The following IGSF11 variants were observed in gnomAD, a reference collection of about 807,000 sequenced individuals.
The protein encoded by IGSF11 is CXADR like 1.
In IGSF11, 22 loss-of-function variants were observed where a neutral mutation model predicts 41.0. That is an observed-to-expected ratio of 0.54 (90% CI 0.38 to 0.77). IGSF11 has a LOEUF of 0.77. Among genes scored for constraint, IGSF11 ranks in the 30% least tolerant of loss-of-function variants. The probability of loss-of-function intolerance (pLI) is 0.00; values close to 1 mark genes in which losing one functional copy is unlikely to be tolerated. For synonymous variants in IGSF11, 219 were observed against 201.3 expected, an observed-to-expected ratio of 1.09 and a Z score of -0.74; for missense variants, 444 against 530.8, an observed-to-expected ratio of 0.84 and a Z score of 1.61.
chr3:119,001,953 G>C (rs1211817345), intron 1 of IGSF11, among the ~76,000 whole-genome samples: 2 of 136,528 alleles, frequency 1.5e-5, no homozygotes, highest in African/African-American at 6.1e-5. Context: ...TGTCTTTATA[G>C]CAGCATGATT....
Position 119,094,796 on chromosome 3 carries a change from C to A in IGSF11, c.49+10348G>T, listed in dbSNP as rs538812672. Among the ~76,000 whole-genome samples, 21 of 151,670 alleles carry A rather than the reference C, an allele frequency of 1.4e-4. No homozygotes were observed. In the South Asian group the frequency reaches 1.5e-3, roughly 11 times the overall value. ...AAGCCATTCTCCTGCCTCAGCCTGC[C>A]GAGTAGCTGGGATTACAGGCTCCTG... On this transcript the variant is annotated intron_variant, in intron 1 of 6. Transcript: ENST00000354673.
At chr3:119,038,346 T>G (rs1047398019), upstream of IGSF11, among the ~76,000 whole-genome samples, 1 of 152,206 alleles carries the variant, frequency 6.6e-6, no homozygotes, top group South Asian at 2.1e-4. Flanking sequence ...TTACATCTGT[T>G]TCTTCCCACT....
intron 1 of IGSF11, among the ~76,000 whole-genome samples, chr3:119,031,095 A>G (rs1940351965): frequency 6.6e-6 from 1 of 152,102 alleles, no homozygotes; most frequent in Admixed American, 6.5e-5. Flanking sequence ...CGTCTCTACT[A>G]AAAATACAAA....
At chr3:119,141,945 A>G (rs965242173) in intron 1 of IGSF11, among the ~76,000 whole-genome samples, 1 of 152,100 alleles carries the variant, frequency 6.6e-6, no homozygotes, top group African/African-American at 2.4e-5. Context: ...TTGGGAGGAA[A>G]AGCTGGGGAG....
At chr3:119,069,307 A>T (rs1010386393) in intron 1 of IGSF11, among the ~76,000 whole-genome samples, 1 of 152,070 alleles carries the variant, frequency 6.6e-6, no homozygotes, top group Non-Finnish European at 1.5e-5. Flanking sequence ...TGGTAATTAG[A>T]CCACAAAAAC....
intron 4 of IGSF11, among the ~76,000 whole-genome samples, chr3:118,918,006 C>A (rs1202327204): frequency 7.1e-6 from 1 of 140,714 alleles, no homozygotes; most frequent in East Asian, 2.1e-4. Flanking sequence ...AAGACAAAAA[C>A]CACATGATTA....
chr3:119,014,682 G>A (rs150180683), intron 1 of IGSF11, among the ~76,000 whole-genome samples: 3 of 152,204 alleles, frequency 2.0e-5, no homozygotes, highest in African/African-American at 7.2e-5. Context: ...GTTTTAAAAA[G>A]ATCACTTTAC....
At chr3:119,074,915 C>T (rs2076467406) in intron 1 of IGSF11, among the ~76,000 whole-genome samples, 1 of 151,778 alleles carries the variant, frequency 6.6e-6, no homozygotes, top group East Asian at 1.9e-4. Context: ...TAACATCAGA[C>T]CTAGAGGAAC....
intron 1 of IGSF11, among the ~76,000 whole-genome samples, chr3:119,011,947 G>C (rs1435663): frequency 0.042 from 4,914 of 116,404 alleles, 142 homozygotes; most frequent in African/African-American, 0.11. Flanking sequence ...ATAGTGTTCT[G>C]TGTGTGTGTG....
intron 1 of IGSF11, among the ~76,000 whole-genome samples, chr3:119,136,171 C>G (rs1464387423): frequency 6.6e-6 from 1 of 151,838 alleles, no homozygotes; most frequent in Non-Finnish European, 1.5e-5. Flanking sequence ...ATGTAACAAA[C>G]CTGCACATTG....
intron 1 of IGSF11, among the ~76,000 whole-genome samples, chr3:119,076,272 A>G (rs956043574): frequency 2.0e-5 from 3 of 152,262 alleles, no homozygotes; most frequent in Admixed American, 2.0e-4. Flanking sequence ...AAGATGAATT[A>G]AAGACTTAAA....
chr3:119,097,153 A>G (rs2076866268), intron 1 of IGSF11, among the ~76,000 whole-genome samples: 1 of 152,138 alleles, frequency 6.6e-6, no homozygotes, highest in South Asian at 2.1e-4. Flanking sequence ...CGACATTTAC[A>G]AGCTCCACGA....
At chr3:118,994,786 G>A (rs565477848) in intron 1 of IGSF11, among the ~76,000 whole-genome samples, 3 of 152,300 alleles carry the variant, frequency 2.0e-5, no homozygotes, top group African/African-American at 7.2e-5. Flanking sequence ...AAGCATGGCG[G>A]CAGAGAAATA....
At chr3:119,093,362 G>GAAGA (rs1360837737) in intron 1 of IGSF11, among the ~76,000 whole-genome samples, 5 of 151,352 alleles carry the variant, frequency 3.3e-5, no homozygotes, top group Admixed American at 6.6e-5. Context: ...AGAACTCCCC[G>GAAGA]AAGAAGCTGC....
At chr3:119,060,695 C>T (rs1942026201) in intron 1 of IGSF11, among the ~76,000 whole-genome samples, 1 of 152,260 alleles carries the variant, frequency 6.6e-6, no homozygotes, top group Admixed American at 6.5e-5. Context: ...GAAAGTAAAA[C>T]TCAAGTTTTC....
At position 118,902,716 on chromosome 3, in the gene IGSF11, C is replaced by G; in HGVS notation, c.1100G>C (p.Gly367Ala). 1 of 1,614,170 alleles carries G rather than the reference C, an allele frequency of 6.2e-7. No homozygotes were observed. Among genetic ancestry groups the G allele is most frequent in the Non-Finnish European group, 8.5e-7 (1 of 1,180,012 alleles). ...IYANGTHLVP[G>A]QHKTLVVTAN... The stretch of plus-strand genomic sequence containing the variant: ...TGTCACTACCAGAGTCTTATGTTGA[C>G]CCGGGACCAGATGGGTCCCATTAGC... Residue 367 changes from glycine (G) to alanine (A), a missense_variant, in exon 7 of 7, where the codon GGT becomes GCT. This residue lies in a region of IGSF11 where 223 missense variants were observed against 226.2 expected (regional missense o/e 0.99). Coordinates refer to ENST00000393775, the MANE Select transcript of IGSF11 (RefSeq NM_001015887.3).
chr3:119,002,603 T>C (rs1937019238), intron 1 of IGSF11, among the ~76,000 whole-genome samples: 1 of 142,436 alleles, frequency 7.0e-6, no homozygotes, highest in African/African-American at 2.8e-5. Context: ...TTTATGGTTT[T>C]AGGTCTAACA....
intron 1 of IGSF11, among the ~76,000 whole-genome samples, chr3:119,137,521 A>G (rs1037614515): frequency 2.0e-5 from 3 of 152,232 alleles, no homozygotes; most frequent in Non-Finnish European, 4.4e-5. Context: ...AGCCATATAC[A>G]GGAGAATGAA....
rs879696079 is a variant in IGSF11 at position 118,917,723 on chromosome 3, T to C, written c.580+8378A>G. ...TTCCTTCTGAAACTATTCCAATCAA[T>C]AGAAAAAGAGGGAATCCTCCCTAAC... On this transcript the variant is annotated intron_variant, in intron 4 of 6. Transcript: ENST00000393775. Among the ~76,000 whole-genome samples the C allele has an allele frequency of 4.4e-3, 637 of 146,074 alleles. 1 individual carries two copies. The highest frequency in any genetic ancestry group is 7.2e-3 in the Non-Finnish European group (482 of 66,624).
Sources: gnomAD v4.1 joint callset for allele counts (sites outside exome capture counted in the v4.1 genomes callset) on GRCh38, gnomAD v4.1.1 for gene constraint, gnomAD v4.1.1 regional missense constraint, MANE v1.5 for transcripts, NCBI Gene and HGNC (gene_info 2026-07-23, HGNC 2026-07-21) for gene names.